ZFPM1: variants seen among roughly 807,000 people sequenced by gnomAD.
The protein encoded by ZFPM1 is zinc finger protein, FOG family member 1.
Under a neutral mutation model 46.3 loss-of-function variants are expected in ZFPM1, and 28 were observed. That is an observed-to-expected ratio of 0.60 (90% CI 0.45 to 0.83). The LOEUF is 0.83. Ranked by LOEUF, ZFPM1 falls within the 40% of genes least tolerant of loss-of-function variation. The pLI is 0.00. For synonymous variants in ZFPM1, 957 were observed against 675.9 expected (o/e 1.42, Z -6.45); for missense variants, 1,878 against 1,432.4 (o/e 1.31, Z -5.02).
At chr16:88,452,515 C>G (rs139717403), upstream of ZFPM1, among the ~76,000 whole-genome samples, 19 of 152,244 alleles carry the variant, frequency 1.2e-4, no homozygotes, top group Admixed American at 3.3e-4. Flanking sequence ...TCTGAGCTCA[C>G]AGGGGAAGAC....
Position 88,533,330 on chromosome 16 carries a change from GC to G in ZFPM1, c.1377del (p.Arg460GlyfsTer338). 1 of 1,531,256 alleles carries G rather than the reference GC, an allele frequency of 6.5e-7. No homozygotes were observed. The highest frequency in any genetic ancestry group is 1.4e-5 in the African/African-American group (1 of 72,438). The allele number at this position is 1,531,256 out of a possible 1,614,324, so 94.9% of individuals were successfully genotyped here. A position where few individuals can be genotyped will look rare whatever the true frequency, so the allele number is the denominator to read the frequency against. ...QNGGSSEPPAAPRSIKVEAVE... is the reference protein window; with the variant it reads ...QNGGSSEPPAXPRSIKVEAVE... Reference sequence around the variant, plus strand: ...TGGAGGCAGCAGCGAGCCCCCGGCGGCCCCCAGGAGCATCAAGGTGGAGGCG... The same window carrying G: ...TGGAGGCAGCAGCGAGCCCCCGGCGGCCCCAGGAGCATCAAGGTGGAGGCG... On this transcript the variant is annotated frameshift_variant, in exon 10 of 10. Coordinates refer to ENST00000319555, the MANE Select transcript of ZFPM1 (RefSeq NM_153813.3). LOFTEE classifies it low-confidence loss of function (END_TRUNC).
chr16:88,533,032 A>T, intron 9 of ZFPM1, 97 bp downstream of exon 9: 3 of 1,538,084 alleles, frequency 2.0e-6, no homozygotes, highest in Middle Eastern at 2.1e-4. Context: ...GGTCCGTTTC[A>T]GCCTTCGCTC....
chr16:88,514,445 C>T lies in ZFPM1; in HGVS notation c.327C>T (p.Leu109=), dbSNP rs202013645. 8 of 1,557,934 alleles carry T rather than the reference C, an allele frequency of 5.1e-6. No homozygotes were observed. The highest frequency in any genetic ancestry group is 2.7e-5 in the African/African-American group (2 of 73,684). The change falls in exon 4 of 10, where the codon CTC becomes CTT. Residue 109 remains leucine (L), a synonymous_variant. Coordinates refer to ENST00000319555, the MANE Select transcript of ZFPM1 (RefSeq NM_153813.3). ...GQRRIRARLS[L]ATGLSWGPFH... is the part of the protein sequence containing the mutation. ...GGCGCATACGGGCCCGACTCAGCCT[C>T]GCCACGGGCCTGTCCTGGGGCCCGT...
At chr16:88,529,681 G>A (rs79026897) in intron 6 of ZFPM1, among the ~76,000 whole-genome samples, 1 of 152,218 alleles carries the variant, frequency 6.6e-6, no homozygotes, top group Non-Finnish European at 1.5e-5. Context: ...GGGTCCTGGA[G>A]GGCGGCAGGT....
At chr16:88,494,772 C>G (rs911971000) in intron 3 of ZFPM1, among the ~76,000 whole-genome samples, 32 of 152,210 alleles carry the variant, frequency 2.1e-4, no homozygotes, top group African/African-American at 7.2e-4. Flanking sequence ...GAGGAGCCGG[C>G]AGGAGGAGAG....
chr16:88,484,663 G>A (rs1909119835), intron 1 of ZFPM1, among the ~76,000 whole-genome samples: 1 of 152,314 alleles, frequency 6.6e-6, no homozygotes, highest in African/African-American at 2.4e-5. Context: ...TGCAGAGGGG[G>A]CAGTCGCAGC....
At chr16:88,517,180 A>AGATGGATG (rs72281150) in intron 4 of ZFPM1, among the ~76,000 whole-genome samples, 35 of 92,198 alleles carry the variant, frequency 3.8e-4, no homozygotes, top group African/African-American at 6.6e-4. Context: ...ATGGATGGGT[A>AGATGGATG]GATGGATGGA....
rs2142501468 is a variant in ZFPM1, at chr16:88,534,554, C to T, written c.2596C>T (p.Arg866Cys). Residue 866 changes from arginine to cysteine, a missense_variant, in exon 10 of 10, where the codon CGC becomes TGC. Physicochemically the swap from Arg to Cys is radical, Grantham distance 180 (BLOSUM62 -3). Transcript: ENST00000319555. Reference protein sequence around the residue: ...CPYCPPNGPVRGDLLEHFRLA... With the variant: ...CPYCPPNGPVCGDLLEHFRLA... Reference sequence around the variant, plus strand: ...CTACTGCCCCCCGAACGGCCCGGTGCGCGGGGACCTGCTGGAGCATTTCCG... The same window carrying T: ...CTACTGCCCCCCGAACGGCCCGGTGTGCGGGGACCTGCTGGAGCATTTCCG... 2 of 1,349,016 alleles carry T rather than the reference C, an allele frequency of 1.5e-6. No individual in the cohort carries two copies. The highest frequency in any genetic ancestry group is 3.3e-5 in the East Asian group (1 of 30,354). 83.6% of individuals were successfully genotyped at this position (1,349,016 alleles called of 1,614,324 possible). A position where few individuals can be genotyped will look rare whatever the true frequency, so the allele number is the denominator to read the frequency against.
intron 3 of ZFPM1, among the ~76,000 whole-genome samples, chr16:88,509,506 G>A (rs976617437): frequency 6.6e-6 from 1 of 152,364 alleles, no homozygotes; most frequent in Admixed American, 6.5e-5. Flanking sequence ...TGCAGGAGGG[G>A]CCCCGGTTCC....
chr16:88,500,272 C>G (rs1417776587), intron 3 of ZFPM1, among the ~76,000 whole-genome samples: 3 of 152,224 alleles, frequency 2.0e-5, no homozygotes, highest in African/African-American at 7.2e-5. Context: ...CCTTGCCCCT[C>G]CTGGGCCTGC....
At chr16:88,451,996 C>G (rs542160885), upstream of ZFPM1, among the ~76,000 whole-genome samples, 1 of 152,136 alleles carries the variant, frequency 6.6e-6, no homozygotes, top group Non-Finnish European at 1.5e-5. Flanking sequence ...GAAGTTGGCA[C>G]GAGATGGGGT....
rs777190444 is a variant in ZFPM1, at chr16:88,528,057, C to G, written c.531C>G (p.Thr177=). The part of the protein sequence containing the change: ...RKDDALWCRV[T]KPVPAGGLLS... Reference sequence around the variant, plus strand: ...ATGACGCACTCTGGTGCAGGGTCACCAAGCCGGTGCCTGCGGGGGGACTCC... The same window carrying G: ...ATGACGCACTCTGGTGCAGGGTCACGAAGCCGGTGCCTGCGGGGGGACTCC... The change falls in exon 6 of 10, where the codon ACC becomes ACG. Residue 177 remains threonine, a synonymous_variant. Transcript: ENST00000319555. The G allele has an allele frequency of 6.4e-7, 1 of 1,554,222 alleles. No individual in the cohort carries two copies. The highest frequency in any genetic ancestry group is 8.7e-7 in the Non-Finnish European group (1 of 1,148,558).
chr16:88,502,195 G>A (rs1445862237), intron 3 of ZFPM1, among the ~76,000 whole-genome samples: 1 of 151,928 alleles, frequency 6.6e-6, no homozygotes, highest in Non-Finnish European at 1.5e-5. Flanking sequence ...TGATAAGATC[G>A]GTCCCCGGAG....
chr16:88,511,189 G>T (rs373547960), intron 3 of ZFPM1, among the ~76,000 whole-genome samples: 320 of 152,284 alleles, frequency 2.1e-3, no homozygotes, highest in Middle Eastern at 0.01. Flanking sequence ...GCCGGTGGGG[G>T]TGTCTGGCCA....
chr16:88,505,849 C>T (rs1041536571), intron 3 of ZFPM1, among the ~76,000 whole-genome samples: 86 of 152,240 alleles, frequency 5.6e-4, no homozygotes, highest in South Asian at 4.1e-4. Flanking sequence ...GAGAGAGCCT[C>T]GGCAGGTGCA....
At chr16:88,479,246 A>T (rs567436226) in intron 1 of ZFPM1, among the ~76,000 whole-genome samples, 6 of 152,124 alleles carry the variant, frequency 3.9e-5, no homozygotes, top group Non-Finnish European at 5.9e-5. Flanking sequence ...CCCCACTTTG[A>T]TGGCGGGGCT....
chr16:88,485,900 C>T (rs770871578), intron 1 of ZFPM1, 39 bp from the exon 2 acceptor site: 3 of 1,591,792 alleles, frequency 1.9e-6, no homozygotes, highest in East Asian at 2.2e-5. Context: ...GCTGTCCCCC[C>T]AGAGCTCCTC....
At chr16:88,460,959 G>A (rs528069313) in intron 1 of ZFPM1, among the ~76,000 whole-genome samples, 750 of 61,238 alleles carry the variant, frequency 0.012, 214 homozygotes, top group East Asian at 0.025. Context: ...GGGGCGGGGC[G>A]GGAGGCCTGG....
chr16:88,475,516 G>C (rs1050952676), intron 1 of ZFPM1, among the ~76,000 whole-genome samples: 1 of 151,978 alleles, frequency 6.6e-6, no homozygotes, highest in African/African-American at 2.4e-5. Context: ...AGGGGTCCGG[G>C]GGGGGGAGCA....
Sources: allele counts gnomAD v4.1 joint callset (sites outside exome capture counted in the v4.1 genomes callset), GRCh38; gene constraint gnomAD v4.1.1; transcripts MANE v1.5; gene names NCBI Gene and HGNC (gene_info 2026-07-23, HGNC 2026-07-21).